IGF2BP3: variants seen among roughly 807,000 people sequenced by gnomAD.
IGF2BP3 encodes insulin like growth factor 2 mRNA binding protein 3, also known as insulin-like growth factor 2 mRNA-binding protein 3.
Under a neutral mutation model 73.8 loss-of-function variants are expected in IGF2BP3, and 9 were observed. The ratio of observed to expected loss-of-function variants is 0.12; its 90% CI spans 0.07 to 0.21. The LOEUF is 0.21. Ranked by LOEUF, IGF2BP3 falls within the 10% of genes least tolerant of loss-of-function variation. The pLI is 1.00. For synonymous variants in IGF2BP3, 258 were observed against 256.7 expected (o/e 1.01, Z -0.05); for missense variants, 542 against 714.0 (o/e 0.76, Z 2.75).
intron 3 of IGF2BP3, among the ~76,000 whole-genome samples, chr7:23,379,249 C>A (rs762473219): frequency 6.6e-6 from 1 of 152,140 alleles, no homozygotes; most frequent in African/African-American, 2.4e-5. Context: ...TTCCCCACAC[C>A]CACTGTTGCT....
Position 23,323,692 on chromosome 7 carries a change from T to C in IGF2BP3, c.1204-4438A>G, listed in dbSNP as rs1288950346. 2.0e-5 allele frequency among the ~76,000 whole-genome samples: 3 copies of C among 151,974 alleles called. No homozygotes were observed. The East Asian group carries it at 5.8e-4, about 29-fold the overall frequency. ...GAAGTAAAGCTCTCCTCAGCAAATG[T>C]AAAATAACAGAAATTAAAACAAACT... On this transcript the variant is annotated intron_variant, in intron 10 of 14. Coordinates refer to ENST00000258729, the MANE Select transcript of IGF2BP3 (RefSeq NM_006547.3).
chr7:23,350,886 T>C (rs1650091353), intron 6 of IGF2BP3, among the ~76,000 whole-genome samples: 1 of 152,208 alleles, frequency 6.6e-6, no homozygotes, highest in African/African-American at 2.4e-5. Context: ...CGATTCTTTA[T>C]TCGAGTAAGG....
chr7:23,312,768 A>C lies in IGF2BP3; in HGVS notation c.1608T>G (p.Val536=), dbSNP rs1562662691. The C allele has an allele frequency of 6.2e-7, 1 of 1,611,878 alleles. No homozygotes were observed. ...DQTPDENDQV[V]VKITGHFYAC... Reference sequence around the variant, plus strand: ...CATAGAAGTGACCAGTTATTTTGACAACCACTTGGTCATTCTCATCAGGTG... The same window carrying C: ...CATAGAAGTGACCAGTTATTTTGACCACCACTTGGTCATTCTCATCAGGTG... Residue 536 remains valine (V), a synonymous_variant, in exon 14 of 15, where the codon GTT becomes GTG. Transcript: ENST00000258729.
At chr7:23,341,294 G>A (rs754919325) in intron 10 of IGF2BP3, among the ~76,000 whole-genome samples, 13 of 152,110 alleles carry the variant, frequency 8.5e-5, no homozygotes, top group Non-Finnish European at 1.5e-4. Context: ...AACACACAGA[G>A]TCACTCCTGA....
chr7:23,432,803 G>C (rs1468051617), intron 2 of IGF2BP3, among the ~76,000 whole-genome samples: 1 of 152,152 alleles, frequency 6.6e-6, no homozygotes, highest in African/African-American at 2.4e-5. Flanking sequence ...ACCGCACCCA[G>C]CTAATTTTTG....
chr7:23,422,341 C>T (rs1169316626), intron 2 of IGF2BP3, among the ~76,000 whole-genome samples: 1 of 152,152 alleles, frequency 6.6e-6, no homozygotes, highest in Non-Finnish European at 1.5e-5. Context: ...CACAGTGGCT[C>T]ATGCCTGTAA....
chr7:23,377,747 T>A (rs1785773371), intron 3 of IGF2BP3, among the ~76,000 whole-genome samples: 1 of 152,166 alleles, frequency 6.6e-6, no homozygotes, highest in South Asian at 2.1e-4. Flanking sequence ...AGTGGTATAT[T>A]CACACAATAA....
In IGF2BP3 at chr7:23,468,075, C is replaced by T. The variant is rs532515636; in HGVS notation, c.236+407G>A. The T allele has an allele frequency of 7.3e-5, 17 of 232,552 alleles. 1 individual carries two copies. Among genetic ancestry groups the T allele is most frequent in the Admixed American group, 2.6e-4 (5 of 19,224 alleles). 14.4% of individuals were successfully genotyped at this position (232,552 alleles called of 1,614,324 possible). On this transcript the variant is annotated intron_variant, in intron 2 of 14. Coordinates refer to ENST00000258729, the MANE Select transcript of IGF2BP3 (RefSeq NM_006547.3). ...CCCGGACAGAGAAGGAAAGGAGGGA[C>T]CCCCGCGTGTCCGCAGCTGCTTTCG...
At chr7:23,436,810 G>C (rs1787817502) in intron 2 of IGF2BP3, among the ~76,000 whole-genome samples, 1 of 152,128 alleles carries the variant, frequency 6.6e-6, no homozygotes, top group South Asian at 2.1e-4. Context: ...AGTAACTATA[G>C]TATAACTTCA....
chr7:23,380,289 G>A (rs111342539), intron 3 of IGF2BP3, among the ~76,000 whole-genome samples: 3,121 of 149,784 alleles, frequency 0.021, 29 homozygotes, highest in Middle Eastern at 0.05. Flanking sequence ...TCAGCCTCCC[G>A]AGTACTAGGA....
intron 2 of IGF2BP3, among the ~76,000 whole-genome samples, chr7:23,438,925 A>G (rs951942896): frequency 6.6e-6 from 1 of 152,212 alleles, no homozygotes; most frequent in African/African-American, 2.4e-5. Context: ...AAAATGTTAC[A>G]TATTTTTCAA....
At chr7:23,453,043 G>C (rs982353605) in intron 2 of IGF2BP3, among the ~76,000 whole-genome samples, 5 of 152,158 alleles carry the variant, frequency 3.3e-5, no homozygotes, top group Non-Finnish European at 7.3e-5. Flanking sequence ...CCAGCAGGCG[G>C]AGGTTGTAGC....
intron 7 of IGF2BP3, among the ~76,000 whole-genome samples, chr7:23,347,000 C>T (rs1784845114): frequency 1.3e-5 from 2 of 152,230 alleles, no homozygotes; most frequent in South Asian, 2.1e-4. Flanking sequence ...TTAAAGTTCT[C>T]TACAAATTAA....
intron 3 of IGF2BP3, among the ~76,000 whole-genome samples, chr7:23,392,172 TG>T (rs1276369021): frequency 2.6e-5 from 4 of 152,128 alleles, no homozygotes; most frequent in Admixed American, 6.6e-5. Context: ...TGTAAACTGA[TG>T]GCCAGTACTG....
chr7:23,397,895 T>C (rs1442974591), intron 3 of IGF2BP3, among the ~76,000 whole-genome samples: 1 of 152,092 alleles, frequency 6.6e-6, no homozygotes, highest in Non-Finnish European at 1.5e-5. Context: ...GTGGAGATAT[T>C]ATATGGGATT....
At position 23,361,721 on chromosome 7, in the gene IGF2BP3, G is replaced by A. The variant is rs774165476; in HGVS notation, c.306C>T (p.Val102=). 1 of 1,613,710 alleles carries A rather than the reference G, an allele frequency of 6.2e-7. No individual in the cohort carries two copies. Among genetic ancestry groups the A allele is most frequent in the Non-Finnish European group, 8.5e-7 (1 of 1,179,780 alleles). ...LQWEVLDSLL[V]QYGVVESCEQ... ...CACAGCTCTCCACCACTCCATACTGGACTAGTAAACTATCCAGCACCTATC... is the reference window on the plus strand; with the variant it reads ...CACAGCTCTCCACCACTCCATACTGAACTAGTAAACTATCCAGCACCTATC... The change falls in exon 4 of 15, where the codon GTC becomes GTT. Residue 102 remains valine, a synonymous_variant. Coordinates refer to ENST00000258729, the MANE Select transcript of IGF2BP3 (RefSeq NM_006547.3).
chr7:23,460,190 A>C (rs529033159), intron 2 of IGF2BP3, among the ~76,000 whole-genome samples: 7 of 150,022 alleles, frequency 4.7e-5, no homozygotes, highest in East Asian at 1.9e-4. Flanking sequence ...AAAAAAAAAA[A>C]AAAAAACAAA....
At chr7:23,398,163 G>T (rs998310103) in intron 3 of IGF2BP3, among the ~76,000 whole-genome samples, 6 of 151,260 alleles carry the variant, frequency 4.0e-5, no homozygotes, top group East Asian at 2.0e-4. Flanking sequence ...ACATGCAGTG[G>T]TTGGTTTTTT....
intron 8 of IGF2BP3, among the ~76,000 whole-genome samples, chr7:23,344,459 T>C (rs1784785252): frequency 6.6e-6 from 1 of 152,234 alleles, no homozygotes; most frequent in Non-Finnish European, 1.5e-5. Flanking sequence ...AAATTTAAAA[T>C]GGTTCACCGA....
Sources: gnomAD v4.1 joint callset for allele counts (sites outside exome capture counted in the v4.1 genomes callset) on GRCh38, gnomAD v4.1.1 for gene constraint, MANE v1.5 for transcripts, NCBI Gene and HGNC (gene_info 2026-07-23, HGNC 2026-07-21) for gene names.